Variants in EBF1 observed in about 807,000 individuals in gnomAD.
EBF1 encodes the protein EBF transcription factor 1, also known as transcription factor COE1.
Under a neutral mutation model 68.4 loss-of-function variants are expected in EBF1, and 10 were observed. The ratio of observed to expected loss-of-function variants is 0.15; its 90% CI spans 0.09 to 0.25. The LOEUF is 0.25. EBF1 is among the 10% of genes least tolerant of loss of function. The pLI is 1.00. For missense variants in EBF1, 509 were observed against 794.4 expected (o/e 0.64, Z 4.32); for synonymous variants, 298 against 299.8 (o/e 0.99, Z 0.06).
At chr5:158,730,894 T>C in intron 11 of EBF1, 175 bp downstream of exon 11, 1 of 581,404 alleles carries the variant, frequency 1.7e-6, no homozygotes, top group Non-Finnish European at 3.1e-6. Context: ...AAGCACAGTG[T>C]TGCCTGGCAC....
chr5:158,881,678 G>A (rs978484942), intron 6 of EBF1, among the ~76,000 whole-genome samples: 2 of 152,160 alleles, frequency 1.3e-5, no homozygotes, highest in African/African-American at 4.8e-5. Context: ...CAGGGATATG[G>A]GCTAAATAGC....
chr5:159,046,814 TA>T (rs1378758149), intron 6 of EBF1, among the ~76,000 whole-genome samples: 2 of 152,202 alleles, frequency 1.3e-5, no homozygotes, highest in African/African-American at 4.8e-5. Context: ...CCCGGCTCTG[TA>T]GTGTTTGCCA....
At chr5:158,984,691 T>A in intron 6 of EBF1, 1 of 145,320 alleles carries the variant, frequency 6.9e-6, no homozygotes, top group South Asian at 2.3e-4. Flanking sequence ...CTTTTTTTTT[T>A]TTTTTTTTTT....
chr5:158,772,851 C>T (rs1001213834), intron 10 of EBF1, among the ~76,000 whole-genome samples: 2 of 152,160 alleles, frequency 1.3e-5, no homozygotes, highest in Admixed American at 1.3e-4. Flanking sequence ...ATGCTAAATA[C>T]AGTTCCATGA....
chr5:159,050,304 C>A (rs1773330740), intron 6 of EBF1, among the ~76,000 whole-genome samples: 1 of 151,662 alleles, frequency 6.6e-6, no homozygotes, highest in African/African-American at 2.4e-5. Context: ...GACTCTGTAT[C>A]CCTGTCTGTC....
At chr5:159,022,115 G>T (rs1766829184) in intron 6 of EBF1, among the ~76,000 whole-genome samples, 1 of 150,664 alleles carries the variant, frequency 6.6e-6, no homozygotes, top group Non-Finnish European at 1.5e-5. Flanking sequence ...CATCCAGGGG[G>T]ATCCTGCAAA....
chr5:159,000,840 AG>A (rs1207154520), intron 6 of EBF1, among the ~76,000 whole-genome samples: 1 of 152,212 alleles, frequency 6.6e-6, no homozygotes, highest in Non-Finnish European at 1.5e-5. Flanking sequence ...ACCTATTCAT[AG>A]TGAAAGATAT....
intron 10 of EBF1, among the ~76,000 whole-genome samples, chr5:158,768,173 T>A (rs115415112): frequency 0.015 from 2,331 of 152,138 alleles, 58 homozygotes; most frequent in African/African-American, 0.053. Flanking sequence ...AATCCAGGTG[T>A]AGGACTTATT....
chr5:158,733,989 G>A (rs1405126793), intron 10 of EBF1, among the ~76,000 whole-genome samples: 1 of 152,166 alleles, frequency 6.6e-6, no homozygotes, highest in Non-Finnish European at 1.5e-5. Flanking sequence ...GGAAGTGGGG[G>A]ATGGTTAATT....
intron 11 of EBF1, among the ~76,000 whole-genome samples, chr5:158,720,889 T>G (rs1315323200): frequency 6.6e-6 from 1 of 152,184 alleles, no homozygotes; most frequent in Non-Finnish European, 1.5e-5. Context: ...CCCCACATTC[T>G]AAAGACTTCA....
intron 10 of EBF1, among the ~76,000 whole-genome samples, chr5:158,756,471 TC>T (rs1234840723): frequency 6.6e-6 from 1 of 152,128 alleles, no homozygotes; most frequent in African/African-American, 2.4e-5. Flanking sequence ...ACTTACTCAT[TC>T]TTCAAAAATT....
intron 6 of EBF1, among the ~76,000 whole-genome samples, chr5:158,879,372 T>C (rs1798409460): frequency 6.6e-6 from 1 of 152,158 alleles, no homozygotes; most frequent in Admixed American, 6.5e-5. Context: ...AAAGAGGCTG[T>C]CCTGAGAAAG....
Position 158,948,197 on chromosome 5 carries a change from G to T in EBF1, c.555-108087C>A, listed in dbSNP as rs191176240. The stretch of plus-strand genomic sequence containing the variant: ...TCTCCCAGGTTGGAGCCCTCATTCC[G>T]TTCTTTGCTGGGGGGAGATCTGGGT... On this transcript the variant is annotated intron_variant, in intron 6 of 15. Coordinates refer to ENST00000313708, the MANE Select transcript of EBF1 (RefSeq NM_024007.5). 2.7e-3 allele frequency among the ~76,000 whole-genome samples: 407 copies of T among 152,240 alleles called. 2 individuals carry two copies. The highest frequency in any genetic ancestry group is 3.7e-3 in the Non-Finnish European group (254 of 68,014).
intron 10 of EBF1, among the ~76,000 whole-genome samples, chr5:158,774,924 T>C (rs182729515): frequency 1.8e-4 from 28 of 152,044 alleles, no homozygotes; most frequent in Middle Eastern, 3.4e-3. Flanking sequence ...ATTGTGCCAA[T>C]TTCTTCAGAT....
intron 6 of EBF1, among the ~76,000 whole-genome samples, chr5:158,936,913 A>T (rs895541724): frequency 4.6e-5 from 7 of 152,206 alleles, no homozygotes; most frequent in Non-Finnish European, 7.3e-5. Flanking sequence ...GTGGCTAGTC[A>T]TAGGAAGGAG....
At chr5:159,086,702 G>A (rs1372362250) in intron 4 of EBF1, among the ~76,000 whole-genome samples, 2 of 152,096 alleles carry the variant, frequency 1.3e-5, no homozygotes, top group African/African-American at 4.8e-5. Flanking sequence ...GGTTAAGGTA[G>A]TGCTTGCTAT....
At chr5:159,012,531 G>A (rs908664736) in intron 6 of EBF1, among the ~76,000 whole-genome samples, 3 of 151,590 alleles carry the variant, frequency 2.0e-5, no homozygotes, top group African/African-American at 4.8e-5. Flanking sequence ...CACCCAGGCT[G>A]GATGGAGTGC....
intron 6 of EBF1, among the ~76,000 whole-genome samples, chr5:158,902,323 G>A (rs768249838): frequency 1.3e-5 from 2 of 151,922 alleles, no homozygotes; most frequent in Non-Finnish European, 2.9e-5. Flanking sequence ...CAATTACTGA[G>A]CAAGAGTATT....
intron 6 of EBF1, among the ~76,000 whole-genome samples, chr5:158,971,591 C>T (rs1755664986): frequency 6.6e-6 from 1 of 152,036 alleles, no homozygotes; most frequent in Non-Finnish European, 1.5e-5. Context: ...AGAGTGTTTG[C>T]CCCAAGATAC....
Sources: gnomAD v4.1 joint callset for allele counts (sites outside exome capture counted in the v4.1 genomes callset) on GRCh38, gnomAD v4.1.1 for gene constraint, MANE v1.5 for transcripts, NCBI Gene and HGNC (gene_info 2026-07-23, HGNC 2026-07-21) for gene names.